ASTN2: variants seen among roughly 807,000 people sequenced by gnomAD.
ASTN2 encodes the protein astrotactin-2.
In ASTN2, 54 loss-of-function variants were observed where a neutral mutation model predicts 139.8. That is an observed-to-expected ratio of 0.39 (90% CI 0.31 to 0.48). The LOEUF is 0.48. Ranked by LOEUF, ASTN2 falls within the 20% of genes least tolerant of loss-of-function variation. The pLI, the probability that ASTN2 is intolerant of heterozygous loss-of-function variation, is 0.95. For missense variants in ASTN2, 1,565 were observed against 1,725.1 expected (o/e 0.91, Z 1.64); for synonymous variants, 756 against 719.5 (o/e 1.05, Z -0.81).
chr9:116,612,030 T>C lies in ASTN2; in HGVS notation c.3355+6294A>G, dbSNP rs926664909. The C allele has an allele frequency of 5.3e-5, 8 of 152,248 alleles. No individual in the cohort carries two copies. The South Asian group carries it at 1.7e-3, about 32-fold the overall frequency. The allele number at this position is 152,248 out of a possible 1,614,324, so 9.4% of individuals were successfully genotyped here. ...TTTATAATATGAAAATCTATCAATG[T>C]GACTTATCATATTAACAAATTTAGA... is the stretch of plus-strand genomic sequence containing the variant. On this transcript the variant is annotated intron_variant, in intron 19 of 22. Coordinates refer to ENST00000313400, the MANE Select transcript of ASTN2 (RefSeq NM_001365068.1).
intron 16 of ASTN2, among the ~76,000 whole-genome samples, chr9:116,719,691 C>G (rs1828418516): frequency 6.6e-6 from 1 of 152,022 alleles, no homozygotes. Context: ...AGAAACAAGT[C>G]TAGAAAGAGG....
intron 7 of ASTN2, among the ~76,000 whole-genome samples, chr9:117,003,953 C>CGCGCGCGCGTGTGTGTGTGTGTGTGTGT (rs1218309835): frequency 6.2e-5 from 9 of 146,286 alleles, no homozygotes; most frequent in African/African-American, 2.4e-4. Flanking sequence ...CGCGCGCGCG[C>CGCGCGCGCGTGTGTGTGTGTGTGTGTGT]GTGTGTGTGT....
At chr9:116,629,049 G>A (rs558918143) in intron 17 of ASTN2, among the ~76,000 whole-genome samples, 1 of 150,302 alleles carries the variant, frequency 6.7e-6, no homozygotes, top group Admixed American at 6.6e-5. Context: ...GCATCTCCCT[G>A]TTAGTTCCTA....
At chr9:116,581,826 G>T (rs1319887712) in intron 19 of ASTN2, 1 of 152,220 alleles carries the variant, frequency 6.6e-6, no homozygotes, top group East Asian at 1.9e-4. Context: ...AAGAGCCCTT[G>T]TAGGAGTTTA....
At chr9:116,928,109 A>C (rs1486085805) in intron 10 of ASTN2, among the ~76,000 whole-genome samples, 1 of 152,090 alleles carries the variant, frequency 6.6e-6, no homozygotes, top group African/African-American at 2.4e-5. Context: ...CCCTCTTCCA[A>C]ATTATGTGAA....
At chr9:117,125,836 G>T (rs1187502757) in intron 4 of ASTN2, among the ~76,000 whole-genome samples, 2 of 151,334 alleles carry the variant, frequency 1.3e-5, no homozygotes, top group Non-Finnish European at 2.9e-5. Context: ...CGGCGGGGGG[G>T]GGAATTGGAT....
At chr9:117,060,891 T>C (rs1406767395) in intron 5 of ASTN2, among the ~76,000 whole-genome samples, 9 of 150,224 alleles carry the variant, frequency 6.0e-5, no homozygotes, top group Admixed American at 6.0e-4. Flanking sequence ...CGAGAGTCCG[T>C]CAAAAAGAAA....
intron 2 of ASTN2, among the ~76,000 whole-genome samples, chr9:117,241,349 C>T (rs935194399): frequency 6.6e-6 from 1 of 152,134 alleles, no homozygotes; most frequent in African/African-American, 2.4e-5. Flanking sequence ...GTCATTTTGA[C>T]ATTTATATCA....
At chr9:116,513,033 T>G (rs977814711) in intron 19 of ASTN2, among the ~76,000 whole-genome samples, 1 of 152,216 alleles carries the variant, frequency 6.6e-6, no homozygotes, top group African/African-American at 2.4e-5. Flanking sequence ...GTGAGTTTGA[T>G]CCTGTCATTA....
At chr9:117,044,727 C>T (rs1322716847) in intron 5 of ASTN2, among the ~76,000 whole-genome samples, 2 of 152,182 alleles carry the variant, frequency 1.3e-5, no homozygotes, top group African/African-American at 4.8e-5. Flanking sequence ...TCCATCCATC[C>T]ATTCATTTAC....
intron 6 of ASTN2, among the ~76,000 whole-genome samples, chr9:117,023,919 T>C (rs567581585): frequency 7.2e-5 from 11 of 152,178 alleles, no homozygotes; most frequent in South Asian, 4.2e-4. Flanking sequence ...GTTTGGAACA[T>C]GCAATATGGC....
chr9:116,717,599 C>G (rs1828348972), intron 16 of ASTN2, among the ~76,000 whole-genome samples: 2 of 152,066 alleles, frequency 1.3e-5, no homozygotes, highest in South Asian at 4.2e-4. Flanking sequence ...ATGCTGGGAC[C>G]CTACCATAGA....
chr9:116,954,302 C>T (rs551606700), intron 10 of ASTN2, among the ~76,000 whole-genome samples: 3 of 152,286 alleles, frequency 2.0e-5, no homozygotes, highest in South Asian at 2.1e-4. Flanking sequence ...CTTAGTTATA[C>T]AGGAGAAATG....
intron 6 of ASTN2, among the ~76,000 whole-genome samples, chr9:117,034,154 T>A (rs541197662): frequency 1.3e-5 from 2 of 152,316 alleles, no homozygotes; most frequent in South Asian, 2.1e-4. Context: ...TCTCACCTAC[T>A]TCACCTAGAT....
At chr9:116,614,737 G>A (rs1282565069) in intron 19 of ASTN2, among the ~76,000 whole-genome samples, 2 of 152,246 alleles carry the variant, frequency 1.3e-5, no homozygotes, top group East Asian at 3.9e-4. Context: ...ATGGATTAAA[G>A]ACTTAAATGT....
chr9:116,989,271 G>C (rs1449664036), intron 7 of ASTN2, among the ~76,000 whole-genome samples: 1 of 152,178 alleles, frequency 6.6e-6, no homozygotes, highest in East Asian at 1.9e-4. Flanking sequence ...CCTGCCCATG[G>C]CATCAGACAA....
At chr9:116,614,369 C>G (rs1855723716) in intron 19 of ASTN2, among the ~76,000 whole-genome samples, 1 of 152,110 alleles carries the variant, frequency 6.6e-6, no homozygotes, top group Non-Finnish European at 1.5e-5. Flanking sequence ...TTGGAAAAAA[C>G]TACTTTAAAG....
At chr9:116,554,737 T>C (rs1587992094) in intron 19 of ASTN2, among the ~76,000 whole-genome samples, 1 of 152,342 alleles carries the variant, frequency 6.6e-6, no homozygotes. Flanking sequence ...CTTCTATTTA[T>C]GGCATGTAAT....
chr9:117,198,573 G>C (rs1831590211), intron 3 of ASTN2, among the ~76,000 whole-genome samples: 1 of 152,104 alleles, frequency 6.6e-6, no homozygotes, highest in Non-Finnish European at 1.5e-5. Flanking sequence ...CCACAGCCTT[G>C]CTATTACAAA....
Sources: gnomAD v4.1 joint callset for allele counts (sites outside exome capture counted in the v4.1 genomes callset) on GRCh38, gnomAD v4.1.1 for gene constraint, MANE v1.5 for transcripts, NCBI Gene and HGNC (gene_info 2026-07-23, HGNC 2026-07-21) for gene names.